ELP4: variants seen among roughly 807,000 people sequenced by gnomAD.
ELP4 encodes the protein elongator acetyltransferase complex subunit 4.
ELP4 carries 51 observed loss-of-function variants against 48.9 expected under a neutral mutation model. The ratio of observed to expected loss-of-function variants is 1.04; its 90% CI spans 0.83 to 1.32. ELP4 has a LOEUF of 1.32. Ranked by LOEUF, ELP4 falls within the 40% of genes most tolerant of loss-of-function variation. The pLI is 0.00. For missense variants in ELP4, 519 were observed against 514.6 expected (o/e 1.01, Z -0.08); for synonymous variants, 210 against 189.2 (o/e 1.11, Z -0.90).
intron 4 of ELP4, among the ~76,000 whole-genome samples, chr11:31,597,043 T>G (rs1159033774): frequency 6.6e-6 from 1 of 152,160 alleles, no homozygotes; most frequent in African/African-American, 2.4e-5. Context: ...ACTTTGCTGG[T>G]GAAAATGTAA....
chr11:31,542,099 AG>A (rs1410185153), intron 3 of ELP4, among the ~76,000 whole-genome samples: 3 of 152,218 alleles, frequency 2.0e-5, no homozygotes, highest in Non-Finnish European at 2.9e-5. Context: ...AAAGCAGCAC[AG>A]GGTATAGGAA....
At chr11:31,737,648 A>C (rs1947348637) in intron 9 of ELP4, among the ~76,000 whole-genome samples, 1 of 152,206 alleles carries the variant, frequency 6.6e-6, no homozygotes, top group East Asian at 1.9e-4. Flanking sequence ...ACAGATAAAT[A>C]ACCCAATTCA....
chr11:31,544,585 CAA>C (rs1484295872), intron 3 of ELP4, among the ~76,000 whole-genome samples: 10 of 152,326 alleles, frequency 6.6e-5, no homozygotes, highest in East Asian at 5.8e-4. Context: ...CACAGACAAA[CAA>C]AAAGACAGCA....
At chr11:31,533,905 G>T (rs1956451400) in intron 2 of ELP4, among the ~76,000 whole-genome samples, 1 of 151,762 alleles carries the variant, frequency 6.6e-6, no homozygotes, top group Non-Finnish European at 1.5e-5. Context: ...GAGCGATCTC[G>T]GCTCACTGCA....
intron 9 of ELP4, among the ~76,000 whole-genome samples, chr11:31,709,657 A>G (rs1946700731): frequency 6.6e-6 from 1 of 152,120 alleles, no homozygotes; most frequent in East Asian, 1.9e-4. Context: ...TTATTTCCTT[A>G]TCTTGAATAA....
intron 7 of ELP4, among the ~76,000 whole-genome samples, chr11:31,643,342 G>T: frequency 6.6e-6 from 1 of 151,610 alleles, no homozygotes; most frequent in East Asian, 1.9e-4. Flanking sequence ...GCTCTTACTT[G>T]AGGCGTTGCA....
rs184177551 is a variant in ELP4, at chr11:31,616,317, A to G, written c.654-10793A>G. Among the ~76,000 whole-genome samples, 3 of 152,236 alleles carry G rather than the reference A, an allele frequency of 2.0e-5. No individual in the cohort carries two copies. In the East Asian group the frequency reaches 5.8e-4, roughly 29 times the overall value. ...TCAAATAATCTTCAACAGGGTACCAAGGTCACTCACAAGGACTGTTTAACA... is the reference window on the plus strand; with the variant it reads ...TCAAATAATCTTCAACAGGGTACCAGGGTCACTCACAAGGACTGTTTAACA... On this transcript the variant is annotated intron_variant, in intron 5 of 9. Transcript: ENST00000640961.
At chr11:31,714,881 G>A (rs1946810182) in intron 9 of ELP4, 1 of 398,026 alleles carries the variant, frequency 2.5e-6, no homozygotes. Context: ...AATAAACCAA[G>A]ATCTTCCTAT....
chr11:31,612,202 A>C (rs767431584), intron 5 of ELP4, among the ~76,000 whole-genome samples: 1 of 152,106 alleles, frequency 6.6e-6, no homozygotes, highest in South Asian at 2.1e-4. Flanking sequence ...TGTCAATGCA[A>C]AAAAAATTAA....
At chr11:31,598,857 G>T (rs899158142) in intron 4 of ELP4, 19 of 151,896 alleles carry the variant, frequency 1.3e-4, no homozygotes, top group Non-Finnish European at 1.6e-4. Flanking sequence ...TTTGAAAATT[G>T]TTCTCTTCTT....
chr11:31,518,895 C>CAA (rs34767268), intron 1 of ELP4, among the ~76,000 whole-genome samples: 160 of 66,878 alleles, frequency 2.4e-3, no homozygotes, highest in African/African-American at 6.3e-3. Flanking sequence ...GACTCTGTCT[C>CAA]AAAAAAAAAA....
intron 9 of ELP4, among the ~76,000 whole-genome samples, chr11:31,724,399 A>C (rs1565127687): frequency 6.6e-6 from 1 of 152,250 alleles, no homozygotes; most frequent in Non-Finnish European, 1.5e-5. Flanking sequence ...TCACTGTTTT[A>C]ATTGAAATGC....
At chr11:31,538,078 G>A (rs186297965) in intron 2 of ELP4, among the ~76,000 whole-genome samples, 175 of 151,864 alleles carry the variant, frequency 1.2e-3, no homozygotes, top group African/African-American at 4.1e-3. Context: ...CACATATTTC[G>A]TTAAATTTAT....
intron 9 of ELP4, among the ~76,000 whole-genome samples, chr11:31,733,228 C>A (rs1947232130): frequency 6.6e-6 from 1 of 151,828 alleles, no homozygotes; most frequent in Non-Finnish European, 1.5e-5. Flanking sequence ...GTAATCTCAG[C>A]AATTTGGGAG....
intron 9 of ELP4, among the ~76,000 whole-genome samples, chr11:31,672,371 G>C (rs1267802559): frequency 2.0e-5 from 3 of 152,280 alleles, no homozygotes; most frequent in Non-Finnish European, 2.9e-5. Context: ...TTAGGACTTA[G>C]AAGTCTTTTG....
rs1949087773 is a variant in ELP4 at position 31,789,536 on chromosome 11, CTT to C, written c.*6013_*6014del. 3 of 598,572 alleles carry C rather than the reference CTT, an allele frequency of 5.0e-6. No individual in the cohort carries two copies. The highest frequency in any genetic ancestry group is 5.9e-6 in the Non-Finnish European group (2 of 341,292). 37.1% of individuals were successfully genotyped at this position (598,572 alleles called of 1,614,324 possible). A position where few individuals can be genotyped will look rare whatever the true frequency, so the allele number is the denominator to read the frequency against. On this transcript the variant is annotated 3_prime_UTR_variant, in exon 10 of 10. Coordinates refer to ENST00000640961, the MANE Select transcript of ELP4 (RefSeq NM_019040.5). ...GTATTCGATATATCTTGATAAAACT[CTT>C]AAATTCGTGGCAAAGCTTGTTGATC...
At chr11:31,571,087 C>T (rs796865036) in intron 3 of ELP4, among the ~76,000 whole-genome samples, 29 of 152,168 alleles carry the variant, frequency 1.9e-4, no homozygotes, top group African/African-American at 7.0e-4. Context: ...CGTAAGCCAC[C>T]GTGCCCAGCC....
chr11:31,528,299 A>G (rs1268632990), intron 2 of ELP4, among the ~76,000 whole-genome samples: 1 of 152,124 alleles, frequency 6.6e-6, no homozygotes, highest in Non-Finnish European at 1.5e-5. Flanking sequence ...AGGCAATTAA[A>G]TTATATTGGT....
chr11:31,603,893 C>G lies in ELP4; in HGVS notation c.639C>G (p.Leu213=). Residue 213 remains leucine (L), a synonymous_variant, in exon 5 of 10, where the codon CTC becomes CTG. Coordinates refer to ENST00000640961, the MANE Select transcript of ELP4 (RefSeq NM_019040.5). The part of the protein sequence containing the change: ...FFLPEKISST[L]KVEPCSLTPG... The stretch of plus-strand genomic sequence containing the variant: ...TTCCAGAGAAAATATCTTCAACTCT[C>G]AAAGTAGAACCCTGGTAAGTTAATG... 6.2e-7 allele frequency: 1 copy of G among 1,611,078 alleles called. No homozygotes were observed. Among genetic ancestry groups the G allele is most frequent in the Non-Finnish European group, 8.5e-7 (1 of 1,178,068 alleles).
Sources: gnomAD v4.1 joint callset for allele counts (sites outside exome capture counted in the v4.1 genomes callset) on GRCh38, gnomAD v4.1.1 for gene constraint, MANE v1.5 for transcripts, NCBI Gene and HGNC (gene_info 2026-07-23, HGNC 2026-07-21) for gene names.